DMXL1: variants seen among roughly 807,000 people sequenced by gnomAD.
DMXL1 encodes dmX-like protein 1.
A neutral mutation model predicts 319.2 loss-of-function variants in DMXL1; 99 were observed. That is an observed-to-expected ratio of 0.31 (90% CI 0.26 to 0.37). The LOEUF (loss-of-function observed/expected upper bound fraction) is 0.37, where lower values mean the gene tolerates loss of function less well. DMXL1 is among the 10% of genes least tolerant of loss of function. DMXL1 has a pLI of 1.00. For synonymous variants in DMXL1, 1,385 were observed against 1,235.2 expected (o/e 1.12, Z -2.54); for missense variants, 3,745 against 3,595.6 (o/e 1.04, Z -1.06).
Position 119,133,791 on chromosome 5 carries a change from A to G in DMXL1, c.1867A>G (p.Thr623Ala), listed in dbSNP as rs199520385. 18 of 1,614,040 alleles carry G rather than the reference A, an allele frequency of 1.1e-5. No individual in the cohort carries two copies. The highest frequency in any genetic ancestry group is 2.7e-5 in the African/African-American group (2 of 75,004). Residue 623 changes from threonine (T) to alanine (A), a missense_variant, in exon 12 of 44, where the codon ACT becomes GCT. Transcript: ENST00000539542. ...VSFAEESAFS[T>A]VLSISHKSRY... ...TTTTGCCGAGGAATCTGCTTTTTCT[A>G]CTGTTCTCAGTATTTCCCACAAATC...
chr5:119,082,555 A>G (rs541254358), intron 1 of DMXL1, among the ~76,000 whole-genome samples: 1 of 152,280 alleles, frequency 6.6e-6, no homozygotes, highest in Non-Finnish European at 1.5e-5. Context: ...GATTATTTAT[A>G]GATGTGAGCT....
rs561399127 is a variant in DMXL1, at chr5:119,088,588, G to T, written c.88-9391G>T. On this transcript the variant is annotated intron_variant, in intron 1 of 43. Coordinates refer to ENST00000539542, the MANE Select transcript of DMXL1 (RefSeq NM_001290321.3). ...TCTTCCTTTCTTACTGTTATCCTTT[G>T]TGGTTAAATGCTCTTCTCTGTTAGT... Among the ~76,000 whole-genome samples the T allele has an allele frequency of 4.6e-5, 7 of 152,188 alleles. No individual in the cohort carries two copies. The South Asian group carries it at 8.3e-4, about 18-fold the overall frequency.
In DMXL1 at chr5:119,147,413, A is replaced by G; in HGVS notation, c.2854A>G (p.Ser952Gly). The change falls in exon 17 of 44, where the codon AGC becomes GGC. Residue 952 changes from serine (S) to glycine (G), a missense_variant. Ser to Gly is a moderately conservative substitution (Grantham distance 56, BLOSUM62 0). Transcript: ENST00000539542. ...GACTCTGTTTTCAGAAATGGTTTATAGCCAAGAATTGCATTTACCAGAAGG... is the reference window on the plus strand; with the variant it reads ...GACTCTGTTTTCAGAAATGGTTTATGGCCAAGAATTGCATTTACCAGAAGG... ...RLTLFSEMVY[S>G]QELHLPEGVE... 6.2e-7 allele frequency: 1 copy of G among 1,613,614 alleles called. No homozygotes were observed.
At chr5:119,080,147 G>C (rs950392772) in intron 1 of DMXL1, among the ~76,000 whole-genome samples, 4 of 152,170 alleles carry the variant, frequency 2.6e-5, no homozygotes, top group African/African-American at 9.7e-5. Flanking sequence ...AGGAGTTCTA[G>C]GCCAGCCTGG....
At chr5:119,111,787 T>C (rs1232457817) in intron 5 of DMXL1, among the ~76,000 whole-genome samples, 1 of 152,042 alleles carries the variant, frequency 6.6e-6, no homozygotes, top group East Asian at 1.9e-4. Flanking sequence ...CATTGGGCAA[T>C]GGAGAGAAAA....
chr5:119,146,070 T>C (rs1378643053), intron 15 of DMXL1, among the ~76,000 whole-genome samples: 1 of 151,906 alleles, frequency 6.6e-6, no homozygotes, highest in East Asian at 1.9e-4. Context: ...TTAAAACATT[T>C]ATGGTTACCT....
Position 119,170,728 on chromosome 5 carries a change from C to G in DMXL1, c.5937C>G (p.Val1979=). 6.2e-7 allele frequency: 1 copy of G among 1,612,504 alleles called. No homozygotes were observed. Among genetic ancestry groups the G allele is most frequent in the South Asian group, 1.1e-5 (1 of 90,926 alleles). Residue 1979 remains valine, a synonymous_variant, in exon 24 of 44, where the codon GTC becomes GTG. Coordinates refer to ENST00000539542, the MANE Select transcript of DMXL1 (RefSeq NM_001290321.3). Reference sequence around the variant, plus strand: ...ATAATGATGAAGAAAATGAGGATGTCCCTATTTCAATGAAAGAACTAAAAC... The same window carrying G: ...ATAATGATGAAGAAAATGAGGATGTGCCTATTTCAATGAAAGAACTAAAAC... The part of the protein sequence containing the change: ...DSDNDEENED[V]PISMKELKPL...
chr5:119,083,048 T>G (rs1481227320), intron 1 of DMXL1, among the ~76,000 whole-genome samples: 1 of 152,006 alleles, frequency 6.6e-6, no homozygotes, highest in Non-Finnish European at 1.5e-5. Context: ...TGTCAGAGTC[T>G]CAAAAAGGCT....
Position 119,149,060 on chromosome 5 carries a change from T to C in DMXL1, c.3233T>C (p.Val1078Ala). ...SRSSQDFVMH[V>A]SIFECESTGG... ...TCTTCCCAGGACTTTGTGATGCATGTAAGTATTTTTGAATGTGAGTCAACA... is the reference window on the plus strand; with the variant it reads ...TCTTCCCAGGACTTTGTGATGCATGCAAGTATTTTTGAATGTGAGTCAACA... Residue 1078 changes from valine to alanine, a missense_variant, in exon 18 of 44, where the codon GTA becomes GCA. Val to Ala is a moderately conservative substitution (Grantham distance 64). Coordinates refer to ENST00000539542, the MANE Select transcript of DMXL1 (RefSeq NM_001290321.3). 6.2e-7 allele frequency: 1 copy of C among 1,613,962 alleles called. No homozygotes were observed. The highest frequency in any genetic ancestry group is 8.5e-7 in the Non-Finnish European group (1 of 1,179,874).
At chr5:119,147,606 T>G in intron 17 of DMXL1, 136 bp downstream of exon 17, 1 of 606,398 alleles carries the variant, frequency 1.6e-6, no homozygotes, top group Non-Finnish European at 2.9e-6. Context: ...GTACCCTAAA[T>G]TGAAGACTTA....
chr5:119,107,785 T>C (rs1399401437), intron 4 of DMXL1, among the ~76,000 whole-genome samples: 1 of 152,210 alleles, frequency 6.6e-6, no homozygotes, highest in Non-Finnish European at 1.5e-5. Flanking sequence ...TTACTTCTTG[T>C]GCTTTTTTTT....
At position 119,175,922 on chromosome 5, in the gene DMXL1, C is replaced by T. The variant is rs182707433; in HGVS notation, c.6758+585C>T. On this transcript the variant is annotated intron_variant, in intron 26 of 43. Coordinates refer to ENST00000539542, the MANE Select transcript of DMXL1 (RefSeq NM_001290321.3). Reference sequence around the variant, plus strand: ...TATCTATCTTTAGTTGTTTGAAGTACTCTATTTCTTCAAGTATTGTCTCAT... The same window carrying T: ...TATCTATCTTTAGTTGTTTGAAGTATTCTATTTCTTCAAGTATTGTCTCAT... Among the ~76,000 whole-genome samples the T allele has an allele frequency of 1.5e-3, 229 of 152,092 alleles. 1 individual carries two copies. Among genetic ancestry groups the T allele is most frequent in the Middle Eastern group, 6.8e-3 (2 of 294 alleles).
intron 5 of DMXL1, among the ~76,000 whole-genome samples, chr5:119,111,497 A>G (rs1280594388): frequency 1.3e-5 from 2 of 152,194 alleles, no homozygotes; most frequent in East Asian, 3.8e-4. Context: ...TTAAAATTAC[A>G]TATTTGGCTA....
At chr5:119,144,215 G>A (rs1455449366) in intron 14 of DMXL1, among the ~76,000 whole-genome samples, 1 of 151,728 alleles carries the variant, frequency 6.6e-6, no homozygotes, top group African/African-American at 2.4e-5. Flanking sequence ...ATTTAATAAA[G>A]TGGTGTTAGG....
chr5:119,112,237 A>G (rs1422076507), intron 5 of DMXL1, among the ~76,000 whole-genome samples: 2 of 152,238 alleles, frequency 1.3e-5, no homozygotes, highest in African/African-American at 4.8e-5. Flanking sequence ...CTGGGATTAC[A>G]GGCATGAGCC....
Position 119,196,458 on chromosome 5 carries a change from TA to T in DMXL1, c.7543+4del. ...CCTTCGCAGGTCATGATCTTGCAGG[TA>T]ATAAATAGCTCAACATGAGCTAATG... On this transcript the variant is annotated splice_donor_region_variant and intron_variant, in intron 31 of 43. Coordinates refer to ENST00000539542, the MANE Select transcript of DMXL1 (RefSeq NM_001290321.3). The T allele has an allele frequency of 2.5e-6, 4 of 1,607,030 alleles. No homozygotes were observed. The highest frequency in any genetic ancestry group is 3.4e-6 in the Non-Finnish European group (4 of 1,174,078).
At position 119,104,105 on chromosome 5, in the gene DMXL1, C is replaced by A. The variant is rs575660195; in HGVS notation, c.286-1075C>A. 3 of 152,188 alleles carry A rather than the reference C, an allele frequency of 2.0e-5. No individual in the cohort carries two copies. The South Asian group carries it at 6.2e-4, about 32-fold the overall frequency. The allele number at this position is 152,188 out of a possible 1,614,324, so 9.4% of individuals were successfully genotyped here. On this transcript the variant is annotated intron_variant, in intron 3 of 43. Transcript: ENST00000539542. The stretch of plus-strand genomic sequence containing the variant: ...AGATCCTTGTAAAAATATATTCTTT[C>A]CTTTTCTTTGTATATTATGGAGTAT...
chr5:119,202,887 A>ATATATATATATATATATT (rs1554139455), intron 32 of DMXL1, among the ~76,000 whole-genome samples: 134 of 111,592 alleles, frequency 1.2e-3, no homozygotes, highest in African/African-American at 4.6e-3. Flanking sequence ...ATATATTTTT[A>ATATATATATATATATATT]TATATATATA....
At chr5:119,202,893 A>T (rs1011113322) in intron 32 of DMXL1, among the ~76,000 whole-genome samples, 5 of 139,432 alleles carry the variant, frequency 3.6e-5, no homozygotes, top group African/African-American at 1.3e-4. Context: ...TTTTATATAT[A>T]TATATATATA....
Sources: allele counts gnomAD v4.1 joint callset (sites outside exome capture counted in the v4.1 genomes callset), GRCh38; gene constraint gnomAD v4.1.1; transcripts MANE v1.5; gene names NCBI Gene and HGNC (gene_info 2026-07-23, HGNC 2026-07-21).